Variants in PHACTR2 observed in about 807,000 individuals in gnomAD.
PHACTR2 encodes chromosome 6 open reading frame 56.
PHACTR2 carries 30 observed loss-of-function variants against 76.0 expected under a neutral mutation model. That is an observed-to-expected ratio of 0.39 (90% CI 0.30 to 0.54). The LOEUF is 0.54. Among genes scored for constraint, PHACTR2 ranks in the 20% least tolerant of loss-of-function variants. PHACTR2 has a pLI of 0.61. For synonymous variants in PHACTR2, 292 were observed against 292.5 expected, an observed-to-expected ratio of 1.00 and a Z score of 0.02; for missense variants, 696 against 781.1, an observed-to-expected ratio of 0.89 and a Z score of 1.30.
In PHACTR2 at chr6:143,597,225, T is replaced by C. The variant is rs1775764531; in HGVS notation, c.217+60018T>C. Among the ~76,000 whole-genome samples the C allele has an allele frequency of 6.6e-6, 1 of 152,124 alleles. No homozygotes were observed. Among genetic ancestry groups the C allele is most frequent in the African/African-American group, 2.4e-5 (1 of 41,434 alleles). ...GTTGCTCAACCTAGCCTCCAAGAAA[T>C]GAAAGACATACCATTCGTGAGCTGC... On this transcript the variant is annotated intron_variant, in intron 1 of 11. Transcript: ENST00000367584. The surrounding 1 kb of genome is among the most constrained non-coding windows in gnomAD (Gnocchi z 5.7).
At position 143,828,839 on chromosome 6, in the gene PHACTR2, C is replaced by T. The variant is rs763796454; in HGVS notation, c.*5150C>T. ...GCTGACTAAATGTCAGTAGCATTCT[C>T]AGTCATTGTAAACACCAAGAATAAA... On this transcript the variant is annotated 3_prime_UTR_variant, in exon 13 of 13. Transcript: ENST00000440869. The surrounding 1 kb of genome is among the most constrained non-coding windows in gnomAD (Gnocchi z 4.7). 6.6e-6 allele frequency: 1 copy of T among 152,178 alleles called. No homozygotes were observed. Among genetic ancestry groups the T allele is most frequent in the African/African-American group, 2.4e-5 (1 of 41,420 alleles). The allele number at this position is 152,178 out of a possible 1,614,324, so 9.4% of individuals were successfully genotyped here.
At chr6:143,771,213 T>TAC (rs1235161639) in intron 6 of PHACTR2, among the ~76,000 whole-genome samples, 1 of 98,142 alleles carries the variant, frequency 1.0e-5, no homozygotes, top group African/African-American at 4.6e-5. Context: ...TATATATATA[T>TAC]ATATATATAT....
chr6:143,769,802 G>C (rs1039432289), intron 6 of PHACTR2, among the ~76,000 whole-genome samples: 9 of 152,100 alleles, frequency 5.9e-5, no homozygotes, highest in African/African-American at 2.2e-4. Flanking sequence ...AACATTCTGT[G>C]ATCACCCATA....
chr6:143,807,083 A>G lies in PHACTR2; in HGVS notation c.1872A>G (p.Glu624=). 1.2e-6 allele frequency: 2 copies of G among 1,606,012 alleles called. No homozygotes were observed. The highest frequency in any genetic ancestry group is 1.7e-6 in the Non-Finnish European group (2 of 1,173,750). The stretch of plus-strand genomic sequence containing the variant: ...CAGCAATAAGGAAAGAACTAAATGA[A>G]TTTAAAAGCACAGAAATGGAAGTTC... ...DKAAIRKELN[E]FKSTEMEVHE... Residue 624 remains glutamate (E), a synonymous_variant, in exon 12 of 13, where the codon GAA becomes GAG. Coordinates refer to ENST00000440869, the MANE Select transcript of PHACTR2 (RefSeq NM_001100164.2). This position sits in a 1 kb window ranked among gnomAD's most constrained non-coding sequence, Gnocchi z 5.5.
intron 6 of PHACTR2, among the ~76,000 whole-genome samples, chr6:143,770,591 A>T (rs1044304553): frequency 6.6e-6 from 1 of 152,180 alleles, no homozygotes; most frequent in African/African-American, 2.4e-5. Context: ...TTTTCTGATA[A>T]GTGAGAAACA....
chr6:143,799,618 T>C (rs1020248182), intron 11 of PHACTR2, among the ~76,000 whole-genome samples: 1 of 152,356 alleles, frequency 6.6e-6, no homozygotes. Flanking sequence ...AGAACATCTT[T>C]ATTTCTGCCT....
intron 1 of PHACTR2, among the ~76,000 whole-genome samples, chr6:143,590,057 T>C (rs1436907540): frequency 6.6e-6 from 1 of 152,218 alleles, no homozygotes; most frequent in East Asian, 1.9e-4. Flanking sequence ...TTAAAACTCA[T>C]GGTAGCAGAG....
chr6:143,615,744 T>C (rs1409981811), intron 1 of PHACTR2, among the ~76,000 whole-genome samples: 1 of 152,202 alleles, frequency 6.6e-6, no homozygotes. Context: ...CAGACACACC[T>C]TTCTGGAATA....
rs12198291 is a variant in PHACTR2 at position 143,654,463 on chromosome 6, G to A, written c.13+46141G>A. Among the ~76,000 whole-genome samples, 25,761 of 152,060 alleles carry A rather than the reference G, an allele frequency of 0.17. 2,332 individuals carry two copies. The highest frequency in any genetic ancestry group is 0.35 in the East Asian group (1,792 of 5,172). On this transcript the variant is annotated intron_variant, in intron 1 of 11. Transcript: ENST00000305766. This position sits in a 1 kb window ranked among gnomAD's most constrained non-coding sequence, Gnocchi z 4.6. ...AAATGTTCATCAAACTGATGAATTC[G>A]TAAATAAAATATACTATATCCACTC...
chr6:143,781,259 C>A (rs1368479283), intron 9 of PHACTR2, among the ~76,000 whole-genome samples: 1 of 152,168 alleles, frequency 6.6e-6, no homozygotes, highest in Non-Finnish European at 1.5e-5. Context: ...GAATTCAATT[C>A]CCTAACTGCA....
chr6:143,661,572 T>C (rs1776946485), intron 1 of PHACTR2, among the ~76,000 whole-genome samples: 1 of 150,648 alleles, frequency 6.6e-6, no homozygotes, highest in African/African-American at 2.5e-5. Context: ...CTTTTTTTTT[T>C]TTTTTCTTTG....
chr6:143,777,177 A>G lies in PHACTR2; in HGVS notation c.1590-151A>G. 1.9e-6 allele frequency: 1 copy of G among 537,536 alleles called. No individual in the cohort carries two copies. The highest frequency in any genetic ancestry group is 3.3e-6 in the Non-Finnish European group (1 of 304,832). 33.3% of individuals were successfully genotyped at this position (537,536 alleles called of 1,614,324 possible). On this transcript the variant is annotated intron_variant, in intron 8 of 12. Coordinates refer to ENST00000440869, the MANE Select transcript of PHACTR2 (RefSeq NM_001100164.2). The surrounding 1 kb of genome is among the most constrained non-coding windows in gnomAD (Gnocchi z 4.6). ...GCCTCAGCCATGATCTGTAGTCTCC[A>G]AACTAATGGGAAGGAGACTTTTATT...
chr6:143,630,602 A>G (rs1776348031), intron 1 of PHACTR2, among the ~76,000 whole-genome samples: 1 of 152,232 alleles, frequency 6.6e-6, no homozygotes, highest in Admixed American at 6.5e-5. Context: ...ATTATTTATA[A>G]AATGAATAAA....
At chr6:143,638,699 TA>T (rs1776512063) in intron 1 of PHACTR2, among the ~76,000 whole-genome samples, 1 of 152,148 alleles carries the variant, frequency 6.6e-6, no homozygotes, top group Non-Finnish European at 1.5e-5. Context: ...TACATACTTT[TA>T]AAAAAGGGCA....
rs1777742023 is a variant in PHACTR2 at position 143,695,114 on chromosome 6, T to G, written c.47-16902T>G. ...CTTAAACCTCAGAAATTATTTAATT[T>G]TATAGGCATCTCTTGGACCAGGAAT... is the stretch of plus-strand genomic sequence containing the variant. On this transcript the variant is annotated intron_variant, in intron 1 of 12. Coordinates refer to ENST00000440869, the MANE Select transcript of PHACTR2 (RefSeq NM_001100164.2). This position sits in a 1 kb window ranked among gnomAD's most constrained non-coding sequence, Gnocchi z 4.4. Among the ~76,000 whole-genome samples, 5 of 152,192 alleles carry G rather than the reference T, an allele frequency of 3.3e-5. No homozygotes were observed. The South Asian group carries it at 1.0e-3, about 32-fold the overall frequency.
chr6:143,721,902 G>GC (rs1778452682), intron 2 of PHACTR2, among the ~76,000 whole-genome samples: 1 of 152,164 alleles, frequency 6.6e-6, no homozygotes, highest in Admixed American at 6.5e-5. Context: ...GGGTGCCTGT[G>GC]CATCTGGCAG....
intron 1 of PHACTR2, among the ~76,000 whole-genome samples, chr6:143,622,669 T>G (rs1325940649): frequency 6.6e-6 from 1 of 152,178 alleles, no homozygotes; most frequent in Non-Finnish European, 1.5e-5. Flanking sequence ...CGATGCAAAA[T>G]GCAGCTTAAT....
At position 143,537,133 on chromosome 6, in the gene PHACTR2, G is replaced by A. The variant is rs1182028463; in HGVS notation, c.143G>A (p.Arg48His). The A allele has an allele frequency of 3.1e-6, 1 of 320,090 alleles. No homozygotes were observed. The highest frequency in any genetic ancestry group is 3.5e-5 in the South Asian group (1 of 28,426). The allele number at this position is 320,090 out of a possible 1,614,324, so 19.8% of individuals were successfully genotyped here. The change falls in exon 1 of 12, where the codon CGC becomes CAC. Residue 48 changes from arginine (R) to histidine (H), a missense_variant. Arg to His is a conservative substitution (Grantham distance 29). Transcript: ENST00000367584. This position sits in a 1 kb window ranked among gnomAD's most constrained non-coding sequence, Gnocchi z 4.4. ...TGGCTTCCCGGGGACCCGAGCCCCC[G>A]CGGCCGCTCACAGAGCGACCTCTCG...
At chr6:143,786,139 A>G (rs557181169) in intron 10 of PHACTR2, among the ~76,000 whole-genome samples, 12 of 152,302 alleles carry the variant, frequency 7.9e-5, no homozygotes, top group South Asian at 6.2e-4. Context: ...TTTAAAATGG[A>G]ATGCTTTTAA....
Sources: allele counts gnomAD v4.1 joint callset (sites outside exome capture counted in the v4.1 genomes callset), GRCh38; gene constraint gnomAD v4.1.1; non-coding constraint Gnocchi (gnomAD v3.1); transcripts MANE v1.5; gene names NCBI Gene and HGNC (gene_info 2026-07-23, HGNC 2026-07-21).